The following CDH10 variants were observed in gnomAD, a reference collection of about 807,000 sequenced individuals.
CDH10 encodes cadherin 10.
CDH10 carries 30 observed loss-of-function variants against 73.1 expected under a neutral mutation model. That is an observed-to-expected ratio of 0.41 (90% CI 0.31 to 0.56). The LOEUF is 0.56. Among genes scored for constraint, CDH10 ranks in the 20% least tolerant of loss-of-function variants. The pLI is 0.27. For missense variants in CDH10, 815 were observed against 973.7 expected, an observed-to-expected ratio of 0.84 and a Z score of 2.17; for synonymous variants, 345 against 348.2, an observed-to-expected ratio of 0.99 and a Z score of 0.10.
In CDH10 at chr5:24,491,580, T is replaced by A. The variant is rs752456665; in HGVS notation, c.1872A>T (p.Leu624=). The change falls in exon 11 of 12, where the codon CTA becomes CTT. Residue 624 remains leucine (L), a synonymous_variant. Coordinates refer to ENST00000264463, the MANE Select transcript of CDH10 (RefSeq NM_006727.5). ...ATTGTTTTTAAGGTTTCTTACCCAG[T>A]AGAATGATGATGCAGAGGAGGATGG... The part of the protein sequence containing the change: ...LIAILLCIII[L]LVIVVLFAAL... 6.2e-7 allele frequency: 1 copy of A among 1,611,528 alleles called. No homozygotes were observed. The highest frequency in any genetic ancestry group is 8.5e-7 in the Non-Finnish European group (1 of 1,178,356).
intron 5 of CDH10, among the ~76,000 whole-genome samples, chr5:24,529,988 T>C (rs1293572565): frequency 1.3e-5 from 2 of 150,396 alleles, no homozygotes; most frequent in Non-Finnish European, 3.0e-5. Context: ...GAAAAGCACC[T>C]ACCTGTGAAT....
At chr5:24,637,011 T>C (rs535423171) in intron 1 of CDH10, among the ~76,000 whole-genome samples, 1 of 152,152 alleles carries the variant, frequency 6.6e-6, no homozygotes, top group East Asian at 1.9e-4. Context: ...AATGATATGG[T>C]ATGGCTATAA....
At chr5:24,531,098 C>A (rs1005439687) in intron 5 of CDH10, among the ~76,000 whole-genome samples, 3 of 152,032 alleles carry the variant, frequency 2.0e-5, no homozygotes, top group Admixed American at 6.6e-5. Flanking sequence ...ACATGCTGAT[C>A]TTTTTGCTTA....
At chr5:24,556,239 G>A (rs1744763989) in intron 2 of CDH10, among the ~76,000 whole-genome samples, 2 of 152,146 alleles carry the variant, frequency 1.3e-5, no homozygotes, top group South Asian at 4.1e-4. Flanking sequence ...TTATTGATTT[G>A]ATGTATCATC....
rs2111602686 is a variant in CDH10, at chr5:24,487,827, T to C, written c.2203A>G (p.Thr735Ala). The C allele has an allele frequency of 6.2e-7, 1 of 1,613,966 alleles. No homozygotes were observed. The highest frequency in any genetic ancestry group is 8.5e-7 in the Non-Finnish European group (1 of 1,179,948). Residue 735 changes from threonine to alanine, a missense_variant, in exon 12 of 12, where the codon ACC becomes GCC. This residue lies in a region of CDH10 where 241 missense variants were observed against 240.3 expected (regional missense o/e 1.00). Transcript: ENST00000264463. The part of the protein sequence containing the change: ...PTAPPYDSLA[T>A]YAYEGNDSIA... ...GAATCATTTCCTTCATAGGCATAGG[T>C]TGCAAGTGAGTCGTAGGGGGGTGCG...
intron 8 of CDH10, among the ~76,000 whole-genome samples, chr5:24,501,247 G>T (rs1336535239): frequency 6.6e-6 from 1 of 151,810 alleles, no homozygotes; most frequent in Non-Finnish European, 1.5e-5. Context: ...AAAAAATTCC[G>T]TCGTCAGCCC....
intron 2 of CDH10, among the ~76,000 whole-genome samples, chr5:24,559,010 G>A (rs1387287094): frequency 6.6e-6 from 1 of 151,688 alleles, no homozygotes; most frequent in Non-Finnish European, 1.5e-5. Flanking sequence ...AGTTGCTTGG[G>A]GTGATGTCAT....
chr5:24,533,401 T>C (rs889970956), intron 5 of CDH10, among the ~76,000 whole-genome samples: 8 of 152,000 alleles, frequency 5.3e-5, no homozygotes, highest in African/African-American at 1.9e-4. Flanking sequence ...TCTAAAATCC[T>C]CTAAATGTAT....
At chr5:24,588,825 AT>A (rs1470175761) in intron 2 of CDH10, among the ~76,000 whole-genome samples, 1 of 152,236 alleles carries the variant, frequency 6.6e-6, no homozygotes, top group Non-Finnish European at 1.5e-5. Flanking sequence ...GCAAAAATAC[AT>A]TCCCAAGGAA....
At chr5:24,518,700 T>C (rs1023827072) in intron 5 of CDH10, among the ~76,000 whole-genome samples, 4 of 152,032 alleles carry the variant, frequency 2.6e-5, no homozygotes, top group Non-Finnish European at 2.9e-5. Context: ...CATGTTTTTT[T>C]CCCTGTTCTC....
In CDH10 at chr5:24,500,629, T is replaced by C. The variant is rs75245383; in HGVS notation, c.1394-2110A>G. Among the ~76,000 whole-genome samples the C allele has an allele frequency of 3.2e-3, 486 of 152,336 alleles. 3 individuals are homozygous for C. The highest frequency in any genetic ancestry group is 0.011 in the African/African-American group (463 of 41,582). On this transcript the variant is annotated intron_variant, in intron 8 of 11. Transcript: ENST00000264463. ...ATATTCAATGTCTTGGTTTACTCAATATAAATCAAAGTAGAACCTCTAATC... is the reference window on the plus strand; with the variant it reads ...ATATTCAATGTCTTGGTTTACTCAACATAAATCAAAGTAGAACCTCTAATC...
intron 2 of CDH10, among the ~76,000 whole-genome samples, chr5:24,590,680 G>A (rs1283523619): frequency 6.6e-6 from 1 of 151,948 alleles, no homozygotes; most frequent in Non-Finnish European, 1.5e-5. Context: ...CTAGGGTCTG[G>A]TTAGCTAATT....
In CDH10 at chr5:24,487,817, T is replaced by C. The variant is rs2111602306; in HGVS notation, c.2213A>G (p.Tyr738Cys). 1.9e-6 allele frequency: 3 copies of C among 1,613,978 alleles called. No individual in the cohort carries two copies. Among genetic ancestry groups the C allele is most frequent in the Non-Finnish European group, 2.5e-6 (3 of 1,179,932 alleles). ...PPYDSLATYA[Y>C]EGNDSIAESL... ...TTCAGCAATGGAATCATTTCCTTCA[T>C]AGGCATAGGTTGCAAGTGAGTCGTA... Residue 738 changes from tyrosine to cysteine, a missense_variant, in exon 12 of 12, where the codon TAT (tyrosine) becomes TGT (cysteine). Physicochemically the swap from Tyr to Cys is radical, Grantham distance 194. Transcript: ENST00000264463.
intron 2 of CDH10, among the ~76,000 whole-genome samples, chr5:24,545,770 G>A (rs982059624): frequency 6.6e-6 from 1 of 151,818 alleles, no homozygotes; most frequent in South Asian, 2.1e-4. Context: ...AGTGAGGTAT[G>A]ATCCTGCCAT....
At chr5:24,635,428 T>C (rs115801139) in intron 1 of CDH10, among the ~76,000 whole-genome samples, 2,105 of 152,084 alleles carry the variant, frequency 0.014, 27 homozygotes, top group Non-Finnish European at 0.021. Flanking sequence ...CACTCTTTCT[T>C]ATGCTTTTTT....
At chr5:24,516,468 G>A (rs1470895841) in intron 5 of CDH10, among the ~76,000 whole-genome samples, 1 of 115,826 alleles carries the variant, frequency 8.6e-6, no homozygotes, top group African/African-American at 3.1e-5. Flanking sequence ...TACTAATAGT[G>A]ATTTTCAATT....
At chr5:24,609,451 C>G (rs1376574845) in intron 1 of CDH10, among the ~76,000 whole-genome samples, 1 of 152,090 alleles carries the variant, frequency 6.6e-6, no homozygotes, top group Non-Finnish European at 1.5e-5. Flanking sequence ...AGATGTGACT[C>G]AGAGTAACAG....
At chr5:24,554,785 T>C (rs1291570665) in intron 2 of CDH10, among the ~76,000 whole-genome samples, 6 of 152,092 alleles carry the variant, frequency 3.9e-5, no homozygotes, top group Admixed American at 3.9e-4. Flanking sequence ...ATTATAGAAA[T>C]TGCACTTTTC....
At chr5:24,530,249 C>T (rs1382481645) in intron 5 of CDH10, among the ~76,000 whole-genome samples, 1 of 151,508 alleles carries the variant, frequency 6.6e-6, no homozygotes, top group Non-Finnish European at 1.5e-5. Flanking sequence ...ATTAGATGTC[C>T]CTTAATCACT....
Sources: gnomAD v4.1 joint callset for allele counts (sites outside exome capture counted in the v4.1 genomes callset) on GRCh38, gnomAD v4.1.1 for gene constraint, gnomAD v4.1.1 regional missense constraint, MANE v1.5 for transcripts, NCBI Gene and HGNC (gene_info 2026-07-23, HGNC 2026-07-21) for gene names.